Variants in CA10 observed in about 807,000 individuals in gnomAD.
CA10 encodes carbonic anhydrase 10 (inactive), also known as carbonic anhydrase-related protein 10.
In CA10, 14 loss-of-function variants were observed where a neutral mutation model predicts 44.2. That is an observed-to-expected ratio of 0.32 (90% CI 0.21 to 0.50). The LOEUF (loss-of-function observed/expected upper bound fraction) is 0.50, where lower values mean the gene tolerates loss of function less well. Ranked by LOEUF, CA10 falls within the 20% of genes least tolerant of loss-of-function variation. The pLI, the probability that CA10 is intolerant of heterozygous loss-of-function variation, is 0.99. For missense variants in CA10, 350 were observed against 409.7 expected, an observed-to-expected ratio of 0.85 and a Z score of 1.26; for synonymous variants, 159 against 141.6, an observed-to-expected ratio of 1.12 and a Z score of -0.87.
chr17:51,800,041 G>C (rs942597270), intron 3 of CA10, among the ~76,000 whole-genome samples: 14 of 152,288 alleles, frequency 9.2e-5, no homozygotes, highest in Admixed American at 9.2e-4. Flanking sequence ...AAAAATGTAT[G>C]TCCACACAAA....
In CA10 at chr17:51,968,050, T is replaced by A. The variant is rs1984146137; in HGVS notation, c.137-36918A>T. ...CTCCAGTTGAGAACAGAGAGGAAAGTCAGAGACATCCCAAGTGTGGTGAGG... is the reference window on the plus strand; with the variant it reads ...CTCCAGTTGAGAACAGAGAGGAAAGACAGAGACATCCCAAGTGTGGTGAGG... On this transcript the variant is annotated intron_variant, in intron 2 of 8. Transcript: ENST00000451037. 2.0e-5 allele frequency among the ~76,000 whole-genome samples: 3 copies of A among 151,870 alleles called. No homozygotes were observed. In the South Asian group the frequency reaches 6.2e-4, roughly 32 times the overall value.
intron 2 of CA10, among the ~76,000 whole-genome samples, chr17:52,061,773 T>G (rs1424319493): frequency 1.3e-4 from 20 of 152,180 alleles, no homozygotes; most frequent in Admixed American, 1.3e-3. Flanking sequence ...TCCCCAGGCA[T>G]GTGGAACTGT....
At chr17:51,757,156 A>G (rs932002748) in intron 3 of CA10, among the ~76,000 whole-genome samples, 2 of 152,148 alleles carry the variant, frequency 1.3e-5, no homozygotes, top group African/African-American at 4.8e-5. Flanking sequence ...AGATTTAAGA[A>G]CACCACTTAG....
At chr17:51,659,000 G>A (rs971104593) in intron 4 of CA10, among the ~76,000 whole-genome samples, 2 of 152,138 alleles carry the variant, frequency 1.3e-5, no homozygotes, top group African/African-American at 4.8e-5. Context: ...CACCCAGGAG[G>A]CAAATTTGTG....
intron 6 of CA10, among the ~76,000 whole-genome samples, chr17:51,637,979 A>G (rs1912910755): frequency 1.3e-5 from 2 of 152,216 alleles, no homozygotes; most frequent in South Asian, 4.1e-4. Flanking sequence ...GTAGGCTATA[A>G]TGTCACAGTA....
intron 4 of CA10, among the ~76,000 whole-genome samples, chr17:51,722,825 C>T (rs920692239): frequency 1.3e-5 from 2 of 152,096 alleles, no homozygotes; most frequent in African/African-American, 4.8e-5. Flanking sequence ...GAAAATGAAG[C>T]CTGGATCAGG....
Position 51,631,023 on chromosome 17 carries a change from T to G in CA10, c.*561A>C, listed in dbSNP as rs1912547483. 6.5e-6 allele frequency: 1 copy of G among 153,420 alleles called. No individual in the cohort carries two copies. Among genetic ancestry groups the G allele is most frequent in the African/African-American group, 2.4e-5 (1 of 41,454 alleles). The allele number at this position is 153,420 out of a possible 1,614,324, so 9.5% of individuals were successfully genotyped here. A position where few individuals can be genotyped will look rare whatever the true frequency, so the allele number is the denominator to read the frequency against. On this transcript the variant is annotated 3_prime_UTR_variant, in exon 9 of 9. Transcript: ENST00000451037. ...AAACAGAAGAATCATAATCTAGAAA[T>G]AAGTGTCCTTGGTCAACTTTGTCCT...
intron 1 of CA10, among the ~76,000 whole-genome samples, chr17:52,125,904 G>A (rs1169455233): frequency 6.6e-6 from 1 of 151,944 alleles, no homozygotes; most frequent in African/African-American, 2.4e-5. Context: ...TGCTGGATGG[G>A]GTGCTAGCTC....
chr17:51,833,113 T>G (rs555187595), intron 3 of CA10, among the ~76,000 whole-genome samples: 30 of 152,126 alleles, frequency 2.0e-4, no homozygotes, highest in Admixed American at 1.1e-3. Flanking sequence ...CAAACACAGG[T>G]GTAGATTCCT....
intron 3 of CA10, among the ~76,000 whole-genome samples, chr17:51,793,952 C>A (rs1216851017): frequency 6.6e-6 from 1 of 152,204 alleles, no homozygotes; most frequent in Admixed American, 6.5e-5. Context: ...GAGTCCTTTT[C>A]TCTTTGTACA....
intron 3 of CA10, among the ~76,000 whole-genome samples, chr17:51,793,584 AGTTT>A (rs1906602772): frequency 6.6e-6 from 1 of 152,188 alleles, no homozygotes. Flanking sequence ...TAAAACAAAA[AGTTT>A]GTTTGGTTAG....
At chr17:52,131,474 A>T (rs538788638) in intron 1 of CA10, among the ~76,000 whole-genome samples, 8 of 152,362 alleles carry the variant, frequency 5.3e-5, no homozygotes, top group Non-Finnish European at 2.9e-5. Context: ...ACTGAATTAC[A>T]ACTATATGCA....
chr17:51,982,808 G>A lies in CA10; in HGVS notation c.137-51676C>T, dbSNP rs571955660. On this transcript the variant is annotated intron_variant, in intron 2 of 8. Coordinates refer to ENST00000451037, the MANE Select transcript of CA10 (RefSeq NM_020178.5). ...AGGACTAGGAGCTCATTGAGGGCAGGTATTTTGTAATATTAATCTTTGTCC... is the reference window on the plus strand; with the variant it reads ...AGGACTAGGAGCTCATTGAGGGCAGATATTTTGTAATATTAATCTTTGTCC... Among the ~76,000 whole-genome samples the A allele has an allele frequency of 5.5e-4, 83 of 151,772 alleles. 1 individual carries two copies. The highest frequency in any genetic ancestry group is 1.5e-3 in the South Asian group (7 of 4,826).
intron 3 of CA10, among the ~76,000 whole-genome samples, chr17:51,882,831 G>A (rs1980436684): frequency 6.6e-6 from 1 of 152,168 alleles, no homozygotes; most frequent in Non-Finnish European, 1.5e-5. Flanking sequence ...AGAGGTCCAG[G>A]AAGGTTTTCT....
intron 3 of CA10, among the ~76,000 whole-genome samples, chr17:51,806,456 G>C (rs1420475822): frequency 6.6e-6 from 1 of 152,132 alleles, no homozygotes; most frequent in African/African-American, 2.4e-5. Flanking sequence ...CAACTCGTTT[G>C]GTGGATTGCA....
chr17:52,038,888 T>C (rs1986692111), intron 2 of CA10, among the ~76,000 whole-genome samples: 1 of 152,180 alleles, frequency 6.6e-6, no homozygotes, highest in South Asian at 2.1e-4. Context: ...CTGTTTCGAA[T>C]TATTTTAATA....
intron 3 of CA10, among the ~76,000 whole-genome samples, chr17:51,893,945 A>C: frequency 6.6e-6 from 1 of 152,106 alleles, no homozygotes; most frequent in Non-Finnish European, 1.5e-5. Context: ...ATAAACAATA[A>C]AAAATTTAGA....
At chr17:51,952,701 T>C (rs896179577) in intron 2 of CA10, among the ~76,000 whole-genome samples, 1 of 152,080 alleles carries the variant, frequency 6.6e-6, no homozygotes, top group Non-Finnish European at 1.5e-5. Context: ...TAGTGATAAA[T>C]AGAAAGGGAA....
chr17:51,849,137 TTA>T (rs1978628432), intron 3 of CA10, among the ~76,000 whole-genome samples: 1 of 134,786 alleles, frequency 7.4e-6, no homozygotes, highest in African/African-American at 2.6e-5. Flanking sequence ...ATATAAAAAC[TTA>T]GTTTTTTATA....
Sources: allele counts gnomAD v4.1 joint callset (sites outside exome capture counted in the v4.1 genomes callset), GRCh38; gene constraint gnomAD v4.1.1; transcripts MANE v1.5; gene names NCBI Gene and HGNC (gene_info 2026-07-23, HGNC 2026-07-21).